The following ASIC2 variants were observed in gnomAD, a reference collection of about 807,000 sequenced individuals.
ASIC2 encodes acid-sensing ion channel 2.
In ASIC2, 25 loss-of-function variants were observed where a neutral mutation model predicts 57.3. The ratio of observed to expected loss-of-function variants is 0.44; its 90% CI spans 0.32 to 0.61. ASIC2 has a LOEUF of 0.61. Among genes scored for constraint, ASIC2 ranks in the 20% least tolerant of loss-of-function variants. The pLI, the probability that ASIC2 is intolerant of heterozygous loss-of-function variation, is 0.06. For missense variants in ASIC2, 641 were observed against 738.1 expected (o/e 0.87, Z 1.52); for synonymous variants, 319 against 307.5 (o/e 1.04, Z -0.39).
At chr17:33,961,713 C>T (rs904211808) in intron 1 of ASIC2, among the ~76,000 whole-genome samples, 2 of 150,240 alleles carry the variant, frequency 1.3e-5, no homozygotes, top group African/African-American at 5.0e-5. Context: ...GCTTGCCTTG[C>T]TGGGTAGCAT....
At chr17:33,807,041 G>A (rs966983670) in intron 1 of ASIC2, among the ~76,000 whole-genome samples, 4 of 152,018 alleles carry the variant, frequency 2.6e-5, no homozygotes, top group Non-Finnish European at 2.9e-5. Context: ...TCATTAGCTC[G>A]GAGGCAGAAG....
chr17:33,749,004 C>T (rs533185813), intron 1 of ASIC2, among the ~76,000 whole-genome samples: 3 of 152,234 alleles, frequency 2.0e-5, no homozygotes, highest in East Asian at 3.9e-4. Context: ...CTCGGCACAG[C>T]CTAAGAACAC....
chr17:33,654,314 G>T (rs544951501), intron 1 of ASIC2, among the ~76,000 whole-genome samples: 6 of 152,342 alleles, frequency 3.9e-5, no homozygotes, highest in African/African-American at 1.4e-4. Flanking sequence ...CAGAAGTGAA[G>T]ATCAACATTT....
intron 3 of ASIC2, among the ~76,000 whole-genome samples, chr17:33,028,739 AC>A (rs2141903864): frequency 6.6e-6 from 1 of 151,870 alleles, no homozygotes; most frequent in Non-Finnish European, 1.5e-5. Context: ...AGAGTCTCTT[AC>A]CCCCACCATG....
At chr17:33,854,022 T>G (rs1180398839) in intron 1 of ASIC2, among the ~76,000 whole-genome samples, 1 of 152,224 alleles carries the variant, frequency 6.6e-6, no homozygotes, top group African/African-American at 2.4e-5. Flanking sequence ...CTAAGATCTA[T>G]GATTTGACAG....
intron 1 of ASIC2, among the ~76,000 whole-genome samples, chr17:33,254,011 C>G (rs1462697869): frequency 6.6e-6 from 1 of 152,184 alleles, no homozygotes; most frequent in South Asian, 2.1e-4. Flanking sequence ...TCACAGGGGA[C>G]AGCTGTAGAA....
chr17:33,112,740 C>A (rs141957334), intron 1 of ASIC2: 4 of 152,160 alleles, frequency 2.6e-5, no homozygotes, highest in Non-Finnish European at 5.9e-5. Flanking sequence ...AGGACCCAAG[C>A]GTTTTTTGAC....
At chr17:33,724,816 A>C (rs1302586114) in intron 1 of ASIC2, among the ~76,000 whole-genome samples, 1 of 149,786 alleles carries the variant, frequency 6.7e-6, no homozygotes, top group African/African-American at 2.5e-5. Context: ...ATGCATCAAT[A>C]CCCTCAACCC....
At chr17:33,676,018 T>C (rs1031076261) in intron 1 of ASIC2, among the ~76,000 whole-genome samples, 2 of 152,248 alleles carry the variant, frequency 1.3e-5, no homozygotes, top group African/African-American at 4.8e-5. Flanking sequence ...ATTTTTGTAA[T>C]TCTTGCAATA....
At chr17:33,500,201 T>C (rs1914060266) in intron 1 of ASIC2, among the ~76,000 whole-genome samples, 1 of 152,188 alleles carries the variant, frequency 6.6e-6, no homozygotes, top group Admixed American at 6.5e-5. Flanking sequence ...CACATTCTCT[T>C]TTTTTCTCCT....
At chr17:33,560,890 C>A (rs988191329) in intron 1 of ASIC2, among the ~76,000 whole-genome samples, 1 of 152,152 alleles carries the variant, frequency 6.6e-6, no homozygotes, top group African/African-American at 2.4e-5. Flanking sequence ...TAATACACAG[C>A]AGAACTTCAA....
intron 1 of ASIC2, among the ~76,000 whole-genome samples, chr17:33,887,948 C>T (rs978322424): frequency 2.6e-5 from 4 of 152,154 alleles, no homozygotes; most frequent in Non-Finnish European, 5.9e-5. Context: ...GAACTCCTTA[C>T]AACTTAGGAT....
chr17:33,846,534 A>C (rs1597900323), intron 1 of ASIC2, among the ~76,000 whole-genome samples: 1 of 152,126 alleles, frequency 6.6e-6, no homozygotes, highest in South Asian at 2.1e-4. Context: ...AAGCAGGTAA[A>C]TTAAAGATGT....
At chr17:33,425,325 A>G (rs977286210) in intron 1 of ASIC2, among the ~76,000 whole-genome samples, 3 of 152,362 alleles carry the variant, frequency 2.0e-5, no homozygotes, top group Admixed American at 1.3e-4. Flanking sequence ...AAAATGGAAA[A>G]CAACTCAGCT....
chr17:33,642,207 AC>A (rs200980132), intron 1 of ASIC2, among the ~76,000 whole-genome samples: 18,203 of 135,474 alleles, frequency 0.13, 1,145 homozygotes, highest in East Asian at 0.27. Context: ...GCAAAAGGAC[AC>A]CCCCCCCCCC....
At chr17:33,202,017 C>CAAAAAA (rs55724157) in intron 1 of ASIC2, among the ~76,000 whole-genome samples, 47 of 92,186 alleles carry the variant, frequency 5.1e-4, no homozygotes, top group Non-Finnish European at 9.0e-4. Flanking sequence ...GAGACTGTCT[C>CAAAAAA]AAAAAAAAAA....
chr17:33,523,658 C>G (rs538076897), intron 1 of ASIC2, among the ~76,000 whole-genome samples: 1 of 152,194 alleles, frequency 6.6e-6, no homozygotes, highest in Admixed American at 6.5e-5. Flanking sequence ...GGTTCCCCTT[C>G]CCATGTGAAC....
At chr17:33,085,455 G>A (rs2092130913) in intron 3 of ASIC2, among the ~76,000 whole-genome samples, 1 of 152,204 alleles carries the variant, frequency 6.6e-6, no homozygotes, top group Non-Finnish European at 1.5e-5. Context: ...GGATCAACTG[G>A]ATAGATTTGC....
chr17:33,664,782 T>C (rs927894633), intron 1 of ASIC2, among the ~76,000 whole-genome samples: 13 of 152,192 alleles, frequency 8.5e-5, no homozygotes, highest in African/African-American at 2.9e-4. Flanking sequence ...TGAGTTTTAG[T>C]TAAATCAACC....
Sources: gnomAD v4.1 joint callset for allele counts (sites outside exome capture counted in the v4.1 genomes callset) on GRCh38, gnomAD v4.1.1 for gene constraint, MANE v1.5 for transcripts, NCBI Gene and HGNC (gene_info 2026-07-23, HGNC 2026-07-21) for gene names.